The following EPAS1 variants were observed in gnomAD, a reference collection of about 807,000 sequenced individuals.
EPAS1 encodes the protein endothelial PAS domain protein 1, also known as endothelial PAS domain-containing protein 1.
Under a neutral mutation model 87.9 loss-of-function variants are expected in EPAS1, and 23 were observed. That is an observed-to-expected ratio of 0.26 (90% CI 0.19 to 0.37). EPAS1 has a LOEUF of 0.37. Among genes scored for constraint, EPAS1 ranks in the 10% least tolerant of loss-of-function variants. The pLI, the probability that EPAS1 is intolerant of heterozygous loss-of-function variation, is 1.00. For synonymous variants in EPAS1, 508 were observed against 444.3 expected (o/e 1.14, Z -1.80); for missense variants, 1,138 against 1,120.7 (o/e 1.02, Z -0.22).
At chr2:46,310,002 G>C (rs1433393612) in intron 1 of EPAS1, among the ~76,000 whole-genome samples, 1 of 152,198 alleles carries the variant, frequency 6.6e-6, no homozygotes, top group Non-Finnish European at 1.5e-5. Context: ...TGACCTCAAA[G>C]CCTCCCCTGC....
chr2:46,305,064 G>A (rs1177184215), intron 1 of EPAS1, among the ~76,000 whole-genome samples: 3 of 152,176 alleles, frequency 2.0e-5, no homozygotes, highest in South Asian at 4.1e-4. Flanking sequence ...GAAGCAAGCC[G>A]TGTTGGCAAC....
intron 9 of EPAS1, 62 bp downstream of exon 9, chr2:46,376,815 C>T: frequency 6.5e-7 from 1 of 1,546,304 alleles, no homozygotes; most frequent in Non-Finnish European, 8.9e-7. Flanking sequence ...AGAGTTCTTA[C>T]TATAACAGGC....
At chr2:46,381,475 T>G in intron 12 of EPAS1, 121 bp from the exon 13 acceptor site, 12 of 1,494,548 alleles carry the variant, frequency 8.0e-6, no homozygotes, top group Non-Finnish European at 1.1e-5. Context: ...GACTCTGCCT[T>G]TTGGGTCTTT....
At chr2:46,323,762 A>G (rs926234248) in intron 1 of EPAS1, among the ~76,000 whole-genome samples, 5 of 152,212 alleles carry the variant, frequency 3.3e-5, no homozygotes, top group Non-Finnish European at 7.3e-5. Flanking sequence ...TGTGAATTGT[A>G]TCAGATATTG....
At chr2:46,345,247 A>ATAC (rs1257072178) in intron 1 of EPAS1, among the ~76,000 whole-genome samples, 2 of 152,210 alleles carry the variant, frequency 1.3e-5, no homozygotes, top group African/African-American at 4.8e-5. Context: ...ACAGGTCCAA[A>ATAC]TACTACCATG....
intron 1 of EPAS1, among the ~76,000 whole-genome samples, chr2:46,338,113 C>T (rs1488992937): frequency 6.6e-6 from 1 of 152,176 alleles, no homozygotes; most frequent in Non-Finnish European, 1.5e-5. Context: ...GGGAAGGTCA[C>T]CCAATTACAA....
chr2:46,317,872 A>G (rs1016872347), intron 1 of EPAS1, among the ~76,000 whole-genome samples: 2 of 152,222 alleles, frequency 1.3e-5, no homozygotes, highest in Non-Finnish European at 2.9e-5. Flanking sequence ...CTTTCCTTAA[A>G]TGTGACGAAC....
chr2:46,312,036 G>A (rs553155650), intron 1 of EPAS1, among the ~76,000 whole-genome samples: 21 of 152,290 alleles, frequency 1.4e-4, no homozygotes, highest in Admixed American at 2.0e-4. Flanking sequence ...GGGCAATGAC[G>A]ACAACTTAAT....
rs569305984 is a variant in EPAS1 at position 46,319,631 on chromosome 2, C to A, written c.26+21694C>A. Among the ~76,000 whole-genome samples, 9 of 152,208 alleles carry A rather than the reference C, an allele frequency of 5.9e-5. No individual in the cohort carries two copies. In the South Asian group the frequency reaches 1.9e-3, roughly 32 times the overall value. The stretch of plus-strand genomic sequence containing the variant: ...TAGCTTTTTCTCCTCCATTGCTGAT[C>A]GTGGTTGGAAGTGTGGCATAGATTT... On this transcript the variant is annotated intron_variant, in intron 1 of 15. Transcript: ENST00000263734.
intron 11 of EPAS1, 134 bp downstream of exon 11, chr2:46,378,901 C>T (rs13432876): frequency 2.4e-6 from 2 of 823,488 alleles, no homozygotes; most frequent in East Asian, 2.6e-5. Context: ...CCCAGGTCCC[C>T]TAAAGAGGTA....
chr2:46,332,868 C>CGAG (rs1683716668), intron 1 of EPAS1, among the ~76,000 whole-genome samples: 1 of 152,008 alleles, frequency 6.6e-6, no homozygotes, highest in Non-Finnish European at 1.5e-5. Flanking sequence ...TCTGTAGTGT[C>CGAG]GAGGAGGTGG....
At chr2:46,355,342 C>CT (rs1198958428) in intron 2 of EPAS1, among the ~76,000 whole-genome samples, 36 of 152,306 alleles carry the variant, frequency 2.4e-4, no homozygotes, top group Admixed American at 1.4e-3. Flanking sequence ...GAGTCATAGC[C>CT]TAATAGGAGG....
In EPAS1 at chr2:46,300,081, C is replaced by A. The variant is rs77363312; in HGVS notation, c.26+2144C>A. The stretch of plus-strand genomic sequence containing the variant: ...CATCTAGAGCCCCTTAAGGGGTTGT[C>A]CAATTCCTATTGGGCTAATCAGTTT... On this transcript the variant is annotated intron_variant, in intron 1 of 15. Transcript: ENST00000263734. This position sits in a 1 kb window ranked among gnomAD's most constrained non-coding sequence, Gnocchi z 4.1. Among the ~76,000 whole-genome samples, 5 of 150,100 alleles carry A rather than the reference C, an allele frequency of 3.3e-5. No individual in the cohort carries two copies. Among genetic ancestry groups the A allele is most frequent in the Non-Finnish European group, 7.3e-5 (5 of 68,038 alleles).
Position 46,361,055 on chromosome 2 carries a change from C to T in EPAS1, c.744C>T (p.His248=), listed in dbSNP as rs200574500. 2.2e-4 allele frequency: 351 copies of T among 1,614,190 alleles called. 1 individual carries two copies. In the Middle Eastern group the frequency reaches 6.9e-3, roughly 32 times the overall value. The change falls in exon 6 of 16, where the codon CAC becomes CAT. Residue 248 remains histidine (H), a synonymous_variant. Coordinates refer to ENST00000263734, the MANE Select transcript of EPAS1 (RefSeq NM_001430.5). ...PLDSKTFLSR[H]SMDMKFTYCD... is the part of the protein sequence containing the mutation. ...ATAGCAAGACCTTCCTGAGCCGCCA[C>T]AGCATGGACATGAAGTTCACCTACT...
intron 1 of EPAS1, among the ~76,000 whole-genome samples, chr2:46,345,276 T>C (rs544701129): frequency 6.6e-6 from 1 of 152,102 alleles, no homozygotes; most frequent in Non-Finnish European, 1.5e-5. Context: ...AGATGCTTTT[T>C]AAAAAAATAA....
intron 1 of EPAS1, among the ~76,000 whole-genome samples, chr2:46,343,257 G>A (rs975568675): frequency 1.3e-5 from 2 of 152,148 alleles, no homozygotes; most frequent in African/African-American, 2.4e-5. Context: ...CATTCCAGGT[G>A]TTCTCCTAAG....
At chr2:46,335,384 A>T (rs1249231089) in intron 1 of EPAS1, among the ~76,000 whole-genome samples, 3 of 147,072 alleles carry the variant, frequency 2.0e-5, no homozygotes, top group Non-Finnish European at 4.5e-5. Context: ...TGTCCCGGTT[A>T]TGTGCACCCC....
At chr2:46,373,508 T>C (rs1174121218) in intron 7 of EPAS1, among the ~76,000 whole-genome samples, 1 of 152,210 alleles carries the variant, frequency 6.6e-6, no homozygotes, top group Non-Finnish European at 1.5e-5. Context: ...ATGCTGAGTG[T>C]AGAGAAGCCA....
rs1684357300 is a variant in EPAS1, at chr2:46,360,092, G to T, written c.455-546G>T. 6.6e-6 allele frequency among the ~76,000 whole-genome samples: 1 copy of T among 152,172 alleles called. No individual in the cohort carries two copies. Among genetic ancestry groups the T allele is most frequent in the South Asian group, 2.1e-4 (1 of 4,830 alleles). On this transcript the variant is annotated intron_variant, in intron 4 of 15. Transcript: ENST00000263734. This position sits in a 1 kb window ranked among gnomAD's most constrained non-coding sequence, Gnocchi z 4.5. ...TGTCACTTCAGGGACAAAGCTAATGGCATGGTATCCTGAACACAGCTATTG... is the reference window on the plus strand; with the variant it reads ...TGTCACTTCAGGGACAAAGCTAATGTCATGGTATCCTGAACACAGCTATTG...
Sources: gnomAD v4.1 joint callset for allele counts (sites outside exome capture counted in the v4.1 genomes callset) on GRCh38, gnomAD v4.1.1 for gene constraint, Gnocchi (gnomAD v3.1) non-coding constraint, MANE v1.5 for transcripts, NCBI Gene and HGNC (gene_info 2026-07-23, HGNC 2026-07-21) for gene names.